The following DNMT1 variants were observed in gnomAD, a reference collection of about 807,000 sequenced individuals.
The protein encoded by DNMT1 is DNA (cytosine-5)-methyltransferase 1.
Under a neutral mutation model 205.3 loss-of-function variants are expected in DNMT1, and 24 were observed. The ratio of observed to expected loss-of-function variants is 0.12; its 90% CI spans 0.08 to 0.16. DNMT1 has a LOEUF of 0.16. Among genes scored for constraint, DNMT1 ranks in the 10% least tolerant of loss-of-function variants. The pLI is 1.00. For missense variants in DNMT1, 1,293 were observed against 2,177.7 expected (o/e 0.59, Z 8.09); for synonymous variants, 817 against 839.8 (o/e 0.97, Z 0.47).
intron 1 of DNMT1, among the ~76,000 whole-genome samples, chr19:10,193,062 A>C (rs927736536): frequency 1.1e-4 from 17 of 152,128 alleles, no homozygotes; most frequent in Non-Finnish European, 1.8e-4. Flanking sequence ...AACAAACAAA[A>C]AAAAGTAGTA....
rs2089434288 is a variant in DNMT1, at chr19:10,134,284, G to A, written c.4797C>T (p.Pro1599=). The change falls in exon 40 of 41, where the codon CCC becomes CCT. Residue 1599 remains proline, a synonymous_variant. Transcript: ENST00000359526. ...HRQVGNAVPP[P]LAKAIGLEIK... ...TCTCCAAGCCAATGGCTTTGGCCAG[G>A]GGCGGTGGCACGGCATTGCCCACCT... 1 of 1,614,018 alleles carries A rather than the reference G, an allele frequency of 6.2e-7. No individual in the cohort carries two copies. The highest frequency in any genetic ancestry group is 8.5e-7 in the Non-Finnish European group (1 of 1,180,042).
At chr19:10,162,637 AAAAG>A (rs755404234) in intron 13 of DNMT1, 26 bp downstream of exon 13, 59 of 1,557,376 alleles carry the variant, frequency 3.8e-5, no homozygotes, top group East Asian at 4.6e-5. Context: ...AAAAAAAAAA[AAAAG>A]AAAGAAAGAA....
intron 17 of DNMT1, among the ~76,000 whole-genome samples, chr19:10,158,199 C>T (rs1001272152): frequency 4.6e-5 from 7 of 152,232 alleles, no homozygotes; most frequent in Admixed American, 2.0e-4. Flanking sequence ...GTGAGGCCCT[C>T]GGGCATGGTT....
chr19:10,180,730 T>C, intron 3 of DNMT1, 48 bp downstream of exon 3: 1 of 1,574,858 alleles, frequency 6.3e-7, no homozygotes, highest in Non-Finnish European at 8.7e-7. Flanking sequence ...GACAAGTTAC[T>C]AGGAGGAGAC....
intron 11 of DNMT1, among the ~76,000 whole-genome samples, chr19:10,166,168 T>A (rs1472659261): frequency 1.3e-5 from 2 of 152,112 alleles, no homozygotes; most frequent in Non-Finnish European, 2.9e-5. Flanking sequence ...TTTAAACGCA[T>A]GCACTTGGCT....
intron 1 of DNMT1, among the ~76,000 whole-genome samples, chr19:10,186,924 G>T (rs1289582935): frequency 6.6e-6 from 1 of 151,320 alleles, no homozygotes; most frequent in East Asian, 1.9e-4. Context: ...ATTCCCAAGA[G>T]AAAGGGTATA....
chr19:10,177,438 T>G, intron 5 of DNMT1, 71 bp from the exon 6 acceptor site: 1 of 1,460,442 alleles, frequency 6.8e-7, no homozygotes, highest in Non-Finnish European at 9.4e-7. Context: ...ACAGCAATAA[T>G]GCAGTTCAAC....
chr19:10,194,896 G>A lies in DNMT1; in HGVS notation c.4C>T (p.Pro2Ser). M[P>S]ARTAPARVPT... ...ACCCGGGCTGGGGCGGTACGCGCCG[G>A]CATCTCGGAGGCTTCAGCAGACGCG... Residue 2 changes from proline (P) to serine (S), a missense_variant, in exon 1 of 41, where the codon CCG becomes TCG. By Grantham distance (74) the Pro-to-Ser change is moderately conservative. Transcript: ENST00000359526. The A allele has an allele frequency of 6.2e-7, 1 of 1,608,222 alleles. No homozygotes were observed. Among genetic ancestry groups the A allele is most frequent in the Non-Finnish European group, 8.5e-7 (1 of 1,177,650 alleles).
At chr19:10,177,033 A>G (rs928252547) in intron 6 of DNMT1, among the ~76,000 whole-genome samples, 1 of 152,188 alleles carries the variant, frequency 6.6e-6, no homozygotes, top group South Asian at 2.1e-4. Context: ...CTGTAACTTG[A>G]TAACTGTTGG....
intron 6 of DNMT1, among the ~76,000 whole-genome samples, chr19:10,177,054 TG>T (rs960418285): frequency 5.0e-4 from 76 of 152,178 alleles, no homozygotes; most frequent in African/African-American, 1.8e-3. Context: ...CACTAGATGA[TG>T]GGTATTTCAG....
chr19:10,142,065 T>C lies in DNMT1; in HGVS notation c.3272A>G (p.Tyr1091Cys). ...GEDLPECVQVYSMGGPNRFYF... is the reference protein window; with the variant it reads ...GEDLPECVQVCSMGGPNRFYF... The stretch of plus-strand genomic sequence containing the variant: ...GAAGCGGTTGGGGCCGCCCATGGAG[T>C]ACACCTGGACGCACTCGGGCAGGTC... Residue 1091 changes from tyrosine (Y) to cysteine (C), a missense_variant, in exon 30 of 41, where the codon TAC becomes TGC. Transcript: ENST00000359526. The C allele has an allele frequency of 6.2e-7, 1 of 1,611,178 alleles. No individual in the cohort carries two copies. The highest frequency in any genetic ancestry group is 8.5e-7 in the Non-Finnish European group (1 of 1,177,970).
rs189422259 is a variant in DNMT1, at chr19:10,133,380, A to G, written c.*287T>C. The G allele has an allele frequency of 3.5e-4, 178 of 502,820 alleles. No homozygotes were observed. Among genetic ancestry groups the G allele is most frequent in the African/African-American group, 3.2e-3 (167 of 52,564 alleles). The allele number at this position is 502,820 out of a possible 1,614,324, so 31.1% of individuals were successfully genotyped here. ...GGAGAGATTTATTTGAAGAAATATTACAACATATAAAAACTACATAAAGTC... is the reference window on the plus strand; with the variant it reads ...GGAGAGATTTATTTGAAGAAATATTGCAACATATAAAAACTACATAAAGTC... On this transcript the variant is annotated 3_prime_UTR_variant, in exon 41 of 41. Transcript: ENST00000359526. The surrounding 1 kb of genome is among the most constrained non-coding windows in gnomAD (Gnocchi z 4.1).
In DNMT1 at chr19:10,169,954, A is replaced by G. The variant is rs575117053; in HGVS notation, c.769-1590T>C. 7.2e-5 allele frequency among the ~76,000 whole-genome samples: 11 copies of G among 152,184 alleles called. No homozygotes were observed. The South Asian group carries it at 2.1e-3, about 29-fold the overall frequency. On this transcript the variant is annotated intron_variant, in intron 9 of 40. Transcript: ENST00000359526. Reference sequence around the variant, plus strand: ...TATGCACTGACTGCAACTGCTGTCTAATTTAACTAGGATCAGGGTAGGAAA... The same window carrying G: ...TATGCACTGACTGCAACTGCTGTCTGATTTAACTAGGATCAGGGTAGGAAA...
chr19:10,169,925 G>A (rs1325945813), intron 9 of DNMT1, among the ~76,000 whole-genome samples: 1 of 152,138 alleles, frequency 6.6e-6, no homozygotes, highest in African/African-American at 2.4e-5. Flanking sequence ...AAACAAATTC[G>A]AGGTATGCAC....
intron 19 of DNMT1, 74 bp from the exon 20 acceptor site, chr19:10,155,130 G>C: frequency 6.3e-7 from 1 of 1,594,372 alleles, no homozygotes; most frequent in South Asian, 1.1e-5. Flanking sequence ...GGGCATGGAG[G>C]AGTCTACCAA....
chr19:10,149,918 G>A lies in DNMT1; in HGVS notation c.2316C>T (p.Thr772=). The A allele has an allele frequency of 6.2e-7, 1 of 1,614,134 alleles. No homozygotes were observed. Among genetic ancestry groups the A allele is most frequent in the Non-Finnish European group, 8.5e-7 (1 of 1,180,038 alleles). ...YYKKVCIDAE[T]LEVGDCVSVI... ...CAGAGACACAGTCCCCCACTTCCAGGGTTTCCGCATCAATGCACACCTTCT... is the reference window on the plus strand; with the variant it reads ...CAGAGACACAGTCCCCCACTTCCAGAGTTTCCGCATCAATGCACACCTTCT... Residue 772 remains threonine, a synonymous_variant, in exon 25 of 41, where the codon ACC becomes ACT. Coordinates refer to ENST00000359526, the MANE Select transcript of DNMT1 (RefSeq NM_001130823.3).
intron 1 of DNMT1, among the ~76,000 whole-genome samples, chr19:10,188,704 C>T (rs1268982849): frequency 6.6e-6 from 1 of 152,306 alleles, no homozygotes; most frequent in African/African-American, 2.4e-5. Flanking sequence ...CTAATCACTT[C>T]AGCCCTTAAG....
intron 9 of DNMT1, among the ~76,000 whole-genome samples, chr19:10,171,451 G>A (rs902825015): frequency 1.3e-5 from 2 of 151,878 alleles, no homozygotes; most frequent in African/African-American, 2.4e-5. Flanking sequence ...CAGGTGGACC[G>A]TTCGAGGTCA....
chr19:10,174,925 C>G (rs572088440), intron 7 of DNMT1, among the ~76,000 whole-genome samples: 4 of 149,560 alleles, frequency 2.7e-5, no homozygotes, highest in Non-Finnish European at 4.5e-5. Context: ...CGTGGTGGCA[C>G]GCGCCTGTAG....
Sources: gnomAD v4.1 joint callset for allele counts (sites outside exome capture counted in the v4.1 genomes callset) on GRCh38, gnomAD v4.1.1 for gene constraint, Gnocchi (gnomAD v3.1) non-coding constraint, MANE v1.5 for transcripts, NCBI Gene and HGNC (gene_info 2026-07-23, HGNC 2026-07-21) for gene names.